Variants in CDC14B observed in about 807,000 individuals in gnomAD.
CDC14B encodes the protein dual specificity protein phosphatase CDC14B.
Under a neutral mutation model 64.2 loss-of-function variants are expected in CDC14B, and 22 were observed. The observed-to-expected ratio is 0.34, with a 90% CI of 0.24 to 0.49. The LOEUF (loss-of-function observed/expected upper bound fraction) is 0.49, where lower values mean the gene tolerates loss of function less well. Ranked by LOEUF, CDC14B falls within the 20% of genes least tolerant of loss-of-function variation. CDC14B has a pLI of 0.99. For synonymous variants in CDC14B, 191 were observed against 215.8 expected (o/e 0.89, Z 1.01); for missense variants, 498 against 629.9 (o/e 0.79, Z 2.24).
At chr9:96,612,379 G>A (rs987717373) in intron 1 of CDC14B, among the ~76,000 whole-genome samples, 1 of 152,230 alleles carries the variant, frequency 6.6e-6, no homozygotes, top group Non-Finnish European at 1.5e-5. Context: ...GCTGTCACGC[G>A]TGTGACACAA....
At position 96,523,273 on chromosome 9, in the gene CDC14B, T is replaced by C; in HGVS notation, c.1233A>G (p.Gln411=). The C allele has an allele frequency of 1.9e-6, 3 of 1,614,034 alleles. No homozygotes were observed. The highest frequency in any genetic ancestry group is 2.5e-6 in the Non-Finnish European group (3 of 1,179,942). The change falls in exon 11 of 14, where the codon CAA becomes CAG. Residue 411 remains glutamine, a synonymous_variant. Transcript: ENST00000375241. ...SINGVENQDQ[Q]EPEPYSDDDE... Reference sequence around the variant, plus strand: ...ACGGCTTGATTACCGGTTCGGGTTCTTGCTGATCTTGATTCTCGACCCCAT... The same window carrying C: ...ACGGCTTGATTACCGGTTCGGGTTCCTGCTGATCTTGATTCTCGACCCCAT...
At chr9:96,604,342 TTTATTATTA>T (rs148185898) in intron 1 of CDC14B, among the ~76,000 whole-genome samples, 13,431 of 131,718 alleles carry the variant, frequency 0.1, 814 homozygotes, top group East Asian at 0.25. Flanking sequence ...GAAGCTTGCA[TTTATTATTA>T]TTATTATTAT....
Position 96,564,826 on chromosome 9 carries a change from T to C in CDC14B, c.278A>G (p.Asn93Ser), listed in dbSNP as rs761373809. 2.5e-6 allele frequency: 4 copies of C among 1,605,300 alleles called. No individual in the cohort carries two copies. Among genetic ancestry groups the C allele is most frequent in the Middle Eastern group, 1.7e-4 (1 of 6,046 alleles). The change falls in exon 3 of 14, where the codon AAT (asparagine) becomes AGT (serine). Residue 93 changes from asparagine to serine, a missense_variant. Asn to Ser is a conservative substitution (Grantham distance 46). Transcript: ENST00000375241. ...ACAATATCTGTAAACCATTGCCAGATTGAGTGGTCCAAAATCTGCGTAGAA... is the reference window on the plus strand; with the variant it reads ...ACAATATCTGTAAACCATTGCCAGACTGAGTGGTCCAAAATCTGCGTAGAA... ...ENFYADFGPL[N>S]LAMVYRYCCK... is the part of the protein sequence containing the mutation.
intron 12 of CDC14B, among the ~76,000 whole-genome samples, chr9:96,519,728 C>T (rs1041572152): frequency 2.7e-5 from 3 of 112,184 alleles, no homozygotes; most frequent in Admixed American, 1.0e-4. Context: ...AAGACTCTGT[C>T]TTAAAAAAAA....
rs756904687 is a variant in CDC14B at position 96,523,356 on chromosome 9, C to T, written c.1150G>A (p.Gly384Arg). 9 of 1,614,042 alleles carry T rather than the reference C, an allele frequency of 5.6e-6. No homozygotes were observed. Among genetic ancestry groups the T allele is most frequent in the Middle Eastern group, 3.3e-4 (2 of 6,084 alleles). Reference protein sequence around the residue: ...FRQKLKGQENGQHRAAFSKLL... With the variant: ...FRQKLKGQENRQHRAAFSKLL... The stretch of plus-strand genomic sequence containing the variant: ...TTGGAGAAGGCTGCTCTGTGTTGTC[C>T]ATTCTCCTGCCCCTTTAACTTCTGA... Residue 384 changes from glycine to arginine, a missense_variant, in exon 11 of 14, where the codon GGA (glycine) becomes AGA (arginine). By Grantham distance (125) the Gly-to-Arg change is moderately radical. Transcript: ENST00000375241.
At chr9:96,552,082 C>G (rs1049026135) in intron 4 of CDC14B, among the ~76,000 whole-genome samples, 3 of 152,076 alleles carry the variant, frequency 2.0e-5, no homozygotes, top group African/African-American at 7.2e-5. Context: ...CAGTATAAGC[C>G]CTGACCAACA....
chr9:96,582,543 C>T (rs1264138724), intron 1 of CDC14B, among the ~76,000 whole-genome samples: 1 of 152,198 alleles, frequency 6.6e-6, no homozygotes, highest in Non-Finnish European at 1.5e-5. Context: ...GGAAACTGGA[C>T]ACAGCAGTAG....
chr9:96,510,501 G>A (rs546045417), intron 12 of CDC14B, among the ~76,000 whole-genome samples: 3 of 151,756 alleles, frequency 2.0e-5, no homozygotes, highest in Non-Finnish European at 4.4e-5. Flanking sequence ...AAGGCCACAC[G>A]GAATGTCCTT....
intron 9 of CDC14B, among the ~76,000 whole-genome samples, chr9:96,525,091 A>T (rs1449593528): frequency 2.0e-5 from 3 of 152,216 alleles, no homozygotes; most frequent in Non-Finnish European, 4.4e-5. Flanking sequence ...TTGTTAAGCA[A>T]CAGGGAATCA....
chr9:96,608,929 A>G (rs888919225), intron 1 of CDC14B, among the ~76,000 whole-genome samples: 1 of 151,760 alleles, frequency 6.6e-6, no homozygotes, highest in African/African-American at 2.4e-5. Context: ...ACACACACGA[A>G]AAGACACACA....
At chr9:96,591,455 T>C (rs190950852) in intron 1 of CDC14B, among the ~76,000 whole-genome samples, 45 of 152,326 alleles carry the variant, frequency 3.0e-4, no homozygotes, top group African/African-American at 8.2e-4. Flanking sequence ...CTCATGCCAG[T>C]ATCATACTGC....
chr9:96,589,885 C>A (rs552423448), intron 1 of CDC14B, among the ~76,000 whole-genome samples: 1 of 151,106 alleles, frequency 6.6e-6, no homozygotes, highest in Non-Finnish European at 1.5e-5. Context: ...GGCGTGAACC[C>A]GGGAGGCAGA....
At chr9:96,574,214 C>G (rs1215527817) in intron 1 of CDC14B, among the ~76,000 whole-genome samples, 1 of 150,954 alleles carries the variant, frequency 6.6e-6, no homozygotes, top group East Asian at 1.9e-4. Flanking sequence ...AGAATTTAGG[C>G]AGTATTGGCA....
intron 7 of CDC14B, chr9:96,538,795 T>C (rs1839635835): frequency 1.1e-5 from 3 of 272,278 alleles, no homozygotes; most frequent in Admixed American, 1.1e-4. Flanking sequence ...GTACAAACCA[T>C]CAGAGGATAA....
chr9:96,536,565 T>C (rs1839299123), intron 7 of CDC14B, among the ~76,000 whole-genome samples: 1 of 152,260 alleles, frequency 6.6e-6, no homozygotes, highest in Non-Finnish European at 1.5e-5. Context: ...TAATGAATCC[T>C]ACAATGTATT....
At chr9:96,551,768 G>T in intron 5 of CDC14B, 28 bp downstream of exon 5, 1 of 1,600,206 alleles carries the variant, frequency 6.2e-7, no homozygotes, top group Non-Finnish European at 8.5e-7. Context: ...CTGATTACCT[G>T]AATCTACCAC....
chr9:96,610,515 A>G (rs1295501807), intron 1 of CDC14B, among the ~76,000 whole-genome samples: 1 of 152,156 alleles, frequency 6.6e-6, no homozygotes, highest in Non-Finnish European at 1.5e-5. Flanking sequence ...TTTTTAAATT[A>G]AAAAAAGAAT....
intron 5 of CDC14B, among the ~76,000 whole-genome samples, chr9:96,544,789 G>A (rs932880770): frequency 2.6e-5 from 4 of 152,122 alleles, no homozygotes; most frequent in East Asian, 1.9e-4. Flanking sequence ...GAGCCACTGC[G>A]TTCAGCCAAC....
intron 1 of CDC14B, among the ~76,000 whole-genome samples, chr9:96,583,275 A>C (rs570398307): frequency 2.6e-5 from 4 of 152,136 alleles, no homozygotes; most frequent in African/African-American, 9.6e-5. Flanking sequence ...TGAACAGATA[A>C]GAGGAATCTA....
Sources: gnomAD v4.1 joint callset for allele counts (sites outside exome capture counted in the v4.1 genomes callset) on GRCh38, gnomAD v4.1.1 for gene constraint, MANE v1.5 for transcripts, NCBI Gene and HGNC (gene_info 2026-07-23, HGNC 2026-07-21) for gene names.